The following TTC17 variants were observed in gnomAD, a reference collection of about 807,000 sequenced individuals.
TTC17 encodes the protein tetratricopeptide repeat domain 17.
A neutral mutation model predicts 143.8 loss-of-function variants in TTC17; 58 were observed. That is an observed-to-expected ratio of 0.40 (90% confidence interval 0.33 to 0.50). The LOEUF is 0.50. TTC17 is among the 20% of genes least tolerant of loss of function. TTC17 has a pLI of 0.49. For missense variants in TTC17, 1,273 were observed against 1,392.5 expected (o/e 0.91, Z 1.37); for synonymous variants, 501 against 497.8 (o/e 1.01, Z -0.09).
At position 43,399,935 on chromosome 11, in the gene TTC17, A is replaced by G; in HGVS notation, c.1106A>G (p.His369Arg). 3 of 1,614,016 alleles carry G rather than the reference A, an allele frequency of 1.9e-6. No homozygotes were observed. Among genetic ancestry groups the G allele is most frequent in the African/African-American group, 1.3e-5 (1 of 75,056 alleles). Residue 369 changes from histidine (H) to arginine (R), a missense_variant, in exon 9 of 24, where the codon CAT (histidine) becomes CGT (arginine). Physicochemically the swap from His to Arg is conservative, Grantham distance 29 (BLOSUM62 0). This residue lies in a region of TTC17 where 325 missense variants were observed against 444.2 expected (regional missense o/e 0.73). Coordinates refer to ENST00000039989, the MANE Select transcript of TTC17 (RefSeq NM_018259.6). ...LNELKEYQKQ[H>R]DHYLRQQEIL... ...GAGTTAAAAGAGTATCAAAAGCAGC[A>G]TGACCACTACCTGAGACAGCAGGAA...
intron 21 of TTC17, among the ~76,000 whole-genome samples, chr11:43,485,083 GTAA>G (rs1218925692): frequency 1.3e-5 from 2 of 151,890 alleles, no homozygotes; most frequent in Non-Finnish European, 2.9e-5. Flanking sequence ...ATTTCACAGT[GTAA>G]TAATAATAGA....
At chr11:43,378,339 G>A (rs1357376877) in intron 1 of TTC17, among the ~76,000 whole-genome samples, 1 of 152,212 alleles carries the variant, frequency 6.6e-6, no homozygotes, top group Admixed American at 6.5e-5. Flanking sequence ...TGTCTGGACG[G>A]AGTTGTAAAT....
At chr11:43,398,847 A>G (rs181242362) in intron 8 of TTC17, among the ~76,000 whole-genome samples, 67 of 152,302 alleles carry the variant, frequency 4.4e-4, no homozygotes, top group East Asian at 2.9e-3. Context: ...TTCTTTTCCA[A>G]TCTTTTTAAG....
At position 43,444,056 on chromosome 11, in the gene TTC17, A is replaced by G; in HGVS notation, c.2512A>G (p.Ile838Val). 6.3e-7 allele frequency: 1 copy of G among 1,597,596 alleles called. No individual in the cohort carries two copies. Among genetic ancestry groups the G allele is most frequent in the Non-Finnish European group, 8.5e-7 (1 of 1,175,224 alleles). ...TCCCTAACATGTTTCTGTTTCCCAG[A>G]TTACATTCCAGGTCAAACGTGTAAA... ...RSEDDEATEWITFQVKRVKKP... is the reference protein window; with the variant it reads ...RSEDDEATEWVTFQVKRVKKP... Residue 838 changes from isoleucine to valine, a missense_variant and splice_region_variant, in exon 18 of 24, where the codon ATT (isoleucine) becomes GTT (valine). Physicochemically the swap from Ile to Val is conservative, Grantham distance 29 (BLOSUM62 3). This residue lies in a region of TTC17 where 878 missense variants were observed against 899.8 expected (regional missense o/e 0.98). Transcript: ENST00000039989.
intron 16 of TTC17, among the ~76,000 whole-genome samples, chr11:43,417,654 G>A (rs995875148): frequency 6.6e-6 from 1 of 152,104 alleles, no homozygotes; most frequent in Non-Finnish European, 1.5e-5. Context: ...TGGCCAACAT[G>A]GTGAAACCCC....
chr11:43,376,165 C>T (rs1339833389), intron 1 of TTC17, among the ~76,000 whole-genome samples: 2 of 152,104 alleles, frequency 1.3e-5, no homozygotes, highest in Non-Finnish European at 2.9e-5. Context: ...GAATATTCAA[C>T]TTGTACTTAC....
At chr11:43,379,160 A>T in intron 1 of TTC17, 73 bp from the exon 2 acceptor site, 2 of 1,315,966 alleles carry the variant, frequency 1.5e-6, no homozygotes, top group South Asian at 2.4e-5. Context: ...AATTTAAAGC[A>T]TATTAATGAC....
At position 43,382,845 on chromosome 11, in the gene TTC17, T is replaced by G. The variant is rs552509143; in HGVS notation, c.249+3523T>G. Among the ~76,000 whole-genome samples, 3 of 152,262 alleles carry G rather than the reference T, an allele frequency of 2.0e-5. No homozygotes were observed. In the South Asian group the frequency reaches 6.2e-4, roughly 32 times the overall value. On this transcript the variant is annotated intron_variant, in intron 2 of 23. Transcript: ENST00000039989. Reference sequence around the variant, plus strand: ...AGCAAATTCCCCTAGAGTGGCAAACTCTACAGAACAAACAATCCAATTTCC... The same window carrying G: ...AGCAAATTCCCCTAGAGTGGCAAACGCTACAGAACAAACAATCCAATTTCC...
At chr11:43,491,830 A>G (rs1231334765) in intron 22 of TTC17, 190 bp from the exon 23 acceptor site, 7 of 620,236 alleles carry the variant, frequency 1.1e-5, no homozygotes, top group Non-Finnish European at 1.9e-5. Context: ...GAAAGAAGTA[A>G]TTGATTTATA....
At chr11:43,360,284 C>A (rs768482045) in intron 1 of TTC17, among the ~76,000 whole-genome samples, 7 of 152,146 alleles carry the variant, frequency 4.6e-5, no homozygotes, top group African/African-American at 1.4e-4. Flanking sequence ...AAGAAAAGAC[C>A]GTGTTCCTAT....
At chr11:43,466,774 G>T in intron 21 of TTC17, 1 of 312,626 alleles carries the variant, frequency 3.2e-6, no homozygotes, top group East Asian at 8.6e-5. Context: ...ATCTTTGGCA[G>T]GGTGAAAGAG....
intron 22 of TTC17, 138 bp from the exon 23 acceptor site, chr11:43,491,882 C>A: frequency 9.1e-7 from 1 of 1,093,134 alleles, no homozygotes; most frequent in Non-Finnish European, 1.3e-6. Context: ...CAGTAGCAAA[C>A]AGCACAAAAG....
At chr11:43,480,998 G>A (rs1163801845) in intron 21 of TTC17, among the ~76,000 whole-genome samples, 1 of 151,516 alleles carries the variant, frequency 6.6e-6, no homozygotes, top group Non-Finnish European at 1.5e-5. Flanking sequence ...ATATTTTTAT[G>A]ACTACATCTA....
At chr11:43,399,861 T>C in intron 8 of TTC17, 27 bp from the exon 9 acceptor site, 2 of 1,573,614 alleles carry the variant, frequency 1.3e-6, no homozygotes, top group Non-Finnish European at 1.7e-6. Flanking sequence ...TAGCTCTAAC[T>C]TTTTCCTGGT....
intron 2 of TTC17, among the ~76,000 whole-genome samples, chr11:43,388,905 G>A (rs911280912): frequency 7.3e-5 from 11 of 151,562 alleles, no homozygotes; most frequent in Non-Finnish European, 1.3e-4. Flanking sequence ...GAGCCCTGGA[G>A]TTTGAGGTTG....
chr11:43,430,750 A>ACACACACAC (rs1565162027), intron 16 of TTC17, among the ~76,000 whole-genome samples: 1 of 75,824 alleles, frequency 1.3e-5, no homozygotes, highest in African/African-American at 4.9e-5. Context: ...CACACACACA[A>ACACACACAC]AGTTGAAATT....
At chr11:43,386,976 G>A (rs758738855) in intron 2 of TTC17, among the ~76,000 whole-genome samples, 1 of 151,898 alleles carries the variant, frequency 6.6e-6, no homozygotes, top group Non-Finnish European at 1.5e-5. Flanking sequence ...ATGGGGATGG[G>A]GTCTCGCAGT....
rs1041481982 is a variant in TTC17, at chr11:43,488,193, G to A, written c.3031-2046G>A. The stretch of plus-strand genomic sequence containing the variant: ...CACAAAAGTAATGTCAGTGACCACT[G>A]ATTATATTCAGCTGTAAAACCAATA... On this transcript the variant is annotated intron_variant, in intron 21 of 23. Transcript: ENST00000039989. Among the ~76,000 whole-genome samples the A allele has an allele frequency of 5.3e-5, 8 of 152,264 alleles. No individual in the cohort carries two copies. In the South Asian group the frequency reaches 1.5e-3, roughly 28 times the overall value.
intron 21 of TTC17, among the ~76,000 whole-genome samples, chr11:43,481,412 G>T (rs1435202963): frequency 6.6e-6 from 1 of 152,158 alleles, no homozygotes; most frequent in Admixed American, 6.5e-5. Context: ...CTTGTTTAAT[G>T]AGTTGGAGGT....
Sources: allele counts gnomAD v4.1 joint callset (sites outside exome capture counted in the v4.1 genomes callset), GRCh38; gene constraint gnomAD v4.1.1; regional missense constraint gnomAD v4.1.1; transcripts MANE v1.5; gene names NCBI Gene and HGNC (gene_info 2026-07-23, HGNC 2026-07-21).